Variants in DCP2 observed in about 807,000 individuals in gnomAD.
DCP2 encodes the protein m7GpppN-mRNA hydrolase.
DCP2 carries 30 observed loss-of-function variants against 56.1 expected under a neutral mutation model. The ratio of observed to expected loss-of-function variants is 0.53; its 90% CI spans 0.40 to 0.73. The LOEUF (loss-of-function observed/expected upper bound fraction) is 0.73. DCP2 is among the 30% of genes least tolerant of loss of function. The pLI is 0.00. For synonymous variants in DCP2, 197 were observed against 163.3 expected (o/e 1.21, Z -1.57); for missense variants, 533 against 502.7 (o/e 1.06, Z -0.58).
chr5:113,011,092 T>TG (rs1353827248), intron 10 of DCP2, among the ~76,000 whole-genome samples: 1 of 152,204 alleles, frequency 6.6e-6, no homozygotes, highest in Non-Finnish European at 1.5e-5. Context: ...CATAAGGATT[T>TG]GGGGAGAGTA....
chr5:112,983,638 C>T (rs1041408082), intron 1 of DCP2, among the ~76,000 whole-genome samples: 1 of 151,860 alleles, frequency 6.6e-6, no homozygotes, highest in African/African-American at 2.4e-5. Context: ...CAAAAATAGA[C>T]ACTGCAAAAT....
At chr5:112,993,592 C>G (rs957160863) in intron 4 of DCP2, among the ~76,000 whole-genome samples, 3 of 145,136 alleles carry the variant, frequency 2.1e-5, no homozygotes, top group Admixed American at 1.4e-4. Flanking sequence ...CCATTGCACT[C>G]TAGCCTGGGC....
chr5:112,988,253 G>C (rs1035619582), intron 2 of DCP2, among the ~76,000 whole-genome samples: 24 of 151,584 alleles, frequency 1.6e-4, no homozygotes, highest in Admixed American at 3.3e-4. Flanking sequence ...GAGGCCAAGG[G>C]GGGCGGATCA....
chr5:112,984,106 T>G (rs761745937), intron 1 of DCP2: 1 of 151,936 alleles, frequency 6.6e-6, no homozygotes, highest in African/African-American at 2.4e-5. Context: ...CAGTGTAGAG[T>G]TGACAGATGT....
At chr5:112,996,590 A>T (rs1208695987) in intron 4 of DCP2, among the ~76,000 whole-genome samples, 1 of 152,218 alleles carries the variant, frequency 6.6e-6, no homozygotes, top group Non-Finnish European at 1.5e-5. Context: ...AATTTGACAC[A>T]TCCTCAAACA....
intron 8 of DCP2, among the ~76,000 whole-genome samples, chr5:113,006,726 C>T (rs1749454357): frequency 6.6e-6 from 1 of 151,984 alleles, no homozygotes; most frequent in Non-Finnish European, 1.5e-5. Flanking sequence ...TTAAAATGTT[C>T]GTTTTAATTT....
At chr5:113,003,165 A>T (rs61001108) in intron 7 of DCP2, among the ~76,000 whole-genome samples, 113,843 of 151,516 alleles carry the variant, frequency 0.75, 42,947 homozygotes, top group African/African-American at 0.81. Flanking sequence ...TCAAAAGCTG[A>T]CTAATTCCTG....
chr5:112,996,894 G>A (rs1202858426), intron 4 of DCP2, among the ~76,000 whole-genome samples: 1 of 152,144 alleles, frequency 6.6e-6, no homozygotes, highest in Non-Finnish European at 1.5e-5. Flanking sequence ...TTAGAATTAT[G>A]CAACATTTTA....
At chr5:112,984,923 C>G (rs1354845742) in intron 1 of DCP2, among the ~76,000 whole-genome samples, 3 of 151,184 alleles carry the variant, frequency 2.0e-5, no homozygotes, top group African/African-American at 7.3e-5. Context: ...GAAGAGTATT[C>G]TTATGCTTAT....
At chr5:112,979,400 TTTTACACTTAGAA>T (rs1194181622) in intron 1 of DCP2, among the ~76,000 whole-genome samples, 1 of 152,194 alleles carries the variant, frequency 6.6e-6, no homozygotes, top group East Asian at 1.9e-4. Context: ...AAAACTTTTT[TTTTACACTTAGAA>T]TTTGGTAAAC....
rs1750080138 is a variant in DCP2 at position 113,020,732 on chromosome 5, C to G, written c.*7248C>G. ...ACTAGAATGTCAGCTGTACTCTGTA[C>G]TCTCCACTGAGAAAATGAACAAAAT... On this transcript the variant is annotated 3_prime_UTR_variant, in exon 11 of 11. Transcript: ENST00000389063. The G allele has an allele frequency of 2.6e-5, 4 of 152,180 alleles. No homozygotes were observed. In the South Asian group the frequency reaches 8.3e-4, roughly 32 times the overall value. The allele number at this position is 152,180 out of a possible 1,614,324, so 9.4% of individuals were successfully genotyped here. A position where few individuals can be genotyped will look rare whatever the true frequency, so the allele number is the denominator to read the frequency against.
Position 113,013,418 on chromosome 5 carries a change from T to G in DCP2, c.1197T>G (p.Phe399Leu). The change falls in exon 11 of 11, where the codon TTT (phenylalanine) becomes TTG (leucine). Residue 399 changes from phenylalanine to leucine, a missense_variant. Transcript: ENST00000389063. ...VACNGHCKFPFSSRAFLSFKF... is the reference protein window; with the variant it reads ...VACNGHCKFPLSSRAFLSFKF... ...GTAATGGACATTGCAAGTTCCCCTT[T>G]TCATCCAGAGCCTTTTTGAGTTTCA... 1 of 1,614,160 alleles carries G rather than the reference T, an allele frequency of 6.2e-7. No individual in the cohort carries two copies. The highest frequency in any genetic ancestry group is 1.1e-5 in the South Asian group (1 of 91,084).
chr5:112,976,815 C>T lies in DCP2; in HGVS notation c.-119C>T, dbSNP rs770304314. 5.0e-6 allele frequency: 5 copies of T among 997,992 alleles called. No individual in the cohort carries two copies. Among genetic ancestry groups the T allele is most frequent in the South Asian group, 2.5e-5 (2 of 78,708 alleles). The allele number at this position is 997,992 out of a possible 1,614,324, so 61.8% of individuals were successfully genotyped here. A position where few individuals can be genotyped will look rare whatever the true frequency, so the allele number is the denominator to read the frequency against. On this transcript the variant is annotated 5_prime_UTR_variant, in exon 1 of 11. Transcript: ENST00000389063. The stretch of plus-strand genomic sequence containing the variant: ...TTCCCCTTCTCGTCTCCGTTGGAGT[C>T]GTCTCTGCCGCGGCTTCCTCGGCTG...
At chr5:112,994,152 T>G (rs1473665077) in intron 4 of DCP2, among the ~76,000 whole-genome samples, 3 of 147,818 alleles carry the variant, frequency 2.0e-5, no homozygotes, top group African/African-American at 5.0e-5. Context: ...AGTTCATTCC[T>G]TTTTTTCTTT....
chr5:113,011,257 A>G (rs1311124492), intron 10 of DCP2, among the ~76,000 whole-genome samples: 4 of 152,206 alleles, frequency 2.6e-5, no homozygotes, highest in Non-Finnish European at 4.4e-5. Flanking sequence ...TCCAATTAAA[A>G]GGAACATTTT....
intron 2 of DCP2, 116 bp downstream of exon 2, chr5:112,986,102 T>C (rs1748271524): frequency 9.7e-7 from 1 of 1,028,312 alleles, no homozygotes; most frequent in African/African-American, 1.6e-5. Flanking sequence ...CATACTTGAT[T>C]GCTAAAATTT....
intron 10 of DCP2, 110 bp downstream of exon 10, chr5:113,010,917 G>T (rs781669152): frequency 1.8e-6 from 2 of 1,134,650 alleles, no homozygotes; most frequent in Non-Finnish European, 2.5e-6. Flanking sequence ...AGCAGGAAGA[G>T]TTGCATATGT....
Position 113,013,501 on chromosome 5 carries a change from G to A in DCP2, c.*17G>A, listed in dbSNP as rs374619019. 8.1e-6 allele frequency: 13 copies of A among 1,613,016 alleles called. No individual in the cohort carries two copies. The highest frequency in any genetic ancestry group is 1.3e-5 in the African/African-American group (1 of 74,948). On this transcript the variant is annotated 3_prime_UTR_variant, in exon 11 of 11. Transcript: ENST00000389063. Reference sequence around the variant, plus strand: ...GACCTTTGATAGCAGCACATGTATTGTAAATGTCCCAGGATCAGAGACCTG... The same window carrying A: ...GACCTTTGATAGCAGCACATGTATTATAAATGTCCCAGGATCAGAGACCTG...
chr5:113,011,524 C>T (rs1749680578), intron 10 of DCP2, among the ~76,000 whole-genome samples: 1 of 152,160 alleles, frequency 6.6e-6, no homozygotes, highest in Admixed American at 6.5e-5. Flanking sequence ...CTCATTTATT[C>T]ACCATCTAAA....
Sources: allele counts gnomAD v4.1 joint callset (sites outside exome capture counted in the v4.1 genomes callset), GRCh38; gene constraint gnomAD v4.1.1; transcripts MANE v1.5; gene names NCBI Gene and HGNC (gene_info 2026-07-23, HGNC 2026-07-21).